The following SLITRK5 variants were observed in gnomAD, a reference collection of about 807,000 sequenced individuals.
SLITRK5 encodes the protein SLIT and NTRK-like protein 5.
SLITRK5 carries 23 observed loss-of-function variants against 56.2 expected under a neutral mutation model. The observed-to-expected ratio is 0.41, with a 90% CI of 0.29 to 0.58. SLITRK5 has a LOEUF of 0.58. Among genes scored for constraint, SLITRK5 ranks in the 20% least tolerant of loss-of-function variants. The pLI is 0.30. For missense variants in SLITRK5, 1,289 were observed against 1,226.6 expected (o/e 1.05, Z -0.76); for synonymous variants, 637 against 531.8 (o/e 1.20, Z -2.72).
rs1877325813 is a variant in SLITRK5, at chr13:87,677,361, C to A, written c.1973C>A (p.Ala658Glu). The change falls in exon 2 of 2, where the codon GCG becomes GAG. Residue 658 changes from alanine to glutamate, a missense_variant. Around this residue, in one of 3 missense-constraint regions of SLITRK5, gnomAD observed 985 missense variants for 906.0 expected, o/e 1.09. Coordinates refer to ENST00000683689, the MANE Select transcript of SLITRK5 (RefSeq NM_001384609.1). This position sits in a 1 kb window ranked among gnomAD's most constrained non-coding sequence, Gnocchi z 4.7. ...GCGAGCTTGGGCGCAGGCGGAGGGG[C>A]GTCGTCGGTGCCCTTGTCTGTGTTA... Reference protein sequence around the residue: ...APASLGAGGGASSVPLSVLIL... With the variant: ...APASLGAGGGESSVPLSVLIL... 6.2e-7 allele frequency: 1 copy of A among 1,613,994 alleles called. No individual in the cohort carries two copies. The highest frequency in any genetic ancestry group is 1.7e-5 in the Admixed American group (1 of 60,032).
In SLITRK5 at chr13:87,676,769, C is replaced by A. The variant is rs926758714; in HGVS notation, c.1381C>A (p.Arg461Ser). 5.0e-6 allele frequency: 8 copies of A among 1,614,086 alleles called. No homozygotes were observed. Among genetic ancestry groups the A allele is most frequent in the Non-Finnish European group, 6.8e-6 (8 of 1,180,024 alleles). The change falls in exon 2 of 2, where the codon CGC becomes AGC. Residue 461 changes from arginine (R) to serine (S), a missense_variant. Physicochemically the swap from Arg to Ser is moderately radical, Grantham distance 110. Transcript: ENST00000683689. ...TTTCGGGGATCTCACCAACCTGAGG[C>A]GCCTCTACCTGAATGGCAACAGGAT... Reference protein sequence around the residue: ...RAFGDLTNLRRLYLNGNRIER... With the variant: ...RAFGDLTNLRSLYLNGNRIER...
intron 1 of SLITRK5, among the ~76,000 whole-genome samples, chr13:87,673,272 G>A (rs1287291003): frequency 6.6e-6 from 1 of 150,776 alleles, no homozygotes; most frequent in African/African-American, 2.4e-5. Context: ...GCGTTTCCCC[G>A]TCAGAATGTC....
Position 87,676,283 on chromosome 13 carries a change from C to A in SLITRK5, c.895C>A (p.Pro299Thr). The A allele has an allele frequency of 6.2e-7, 1 of 1,614,090 alleles. No homozygotes were observed. The highest frequency in any genetic ancestry group is 8.5e-7 in the Non-Finnish European group (1 of 1,180,018). The change falls in exon 2 of 2, where the codon CCT (proline) becomes ACT (threonine). Residue 299 changes from proline (P) to threonine (T), a missense_variant. By Grantham distance (38) the Pro-to-Thr change is conservative. Transcript: ENST00000683689. ...ISDYEMRPQT[P>T]LSTTGYLHTT... ...TGACTACGAGATGAGGCCGCAGACG[C>A]CTTTGAGCACCACGGGGTATTTACA... is the stretch of plus-strand genomic sequence containing the variant.
rs993985077 is a variant in SLITRK5, at chr13:87,678,437, A to G, written c.*172A>G. The G allele has an allele frequency of 7.8e-6, 5 of 638,004 alleles. No individual in the cohort carries two copies. The highest frequency in any genetic ancestry group is 1.4e-5 in the Non-Finnish European group (5 of 364,784). 39.5% of individuals were successfully genotyped at this position (638,004 alleles called of 1,614,324 possible). On this transcript the variant is annotated 3_prime_UTR_variant, in exon 2 of 2. Transcript: ENST00000683689. ...GAAAAGGGTGTGCAATTTCCTTTAA[A>G]ATTTACACGTGGGAAACATTTGTGT...
In SLITRK5 at chr13:87,678,292, T is replaced by G; in HGVS notation, c.*27T>G. 6.4e-7 allele frequency: 1 copy of G among 1,561,982 alleles called. No individual in the cohort carries two copies. The highest frequency in any genetic ancestry group is 1.2e-5 in the South Asian group (1 of 83,984). Reference sequence around the variant, plus strand: ...AGCAAAGAAACTCTCTTGGAGCTTTTGCATTTAAAACAAACAAGCAAGCAG... The same window carrying G: ...AGCAAAGAAACTCTCTTGGAGCTTTGGCATTTAAAACAAACAAGCAAGCAG... On this transcript the variant is annotated 3_prime_UTR_variant, in exon 2 of 2. Transcript: ENST00000683689.
In SLITRK5 at chr13:87,677,537, TACGGCGGCGGCGGCGGCACGGGCGGCC is replaced by T. The variant is rs746846229; in HGVS notation, c.2152_2178del (p.Gly718_His726del). The T allele has an allele frequency of 6.2e-7, 1 of 1,608,624 alleles. No individual in the cohort carries two copies. On this transcript the variant is annotated inframe_deletion, in exon 2 of 2. Coordinates refer to ENST00000683689, the MANE Select transcript of SLITRK5 (RefSeq NM_001384609.1). This position sits in a 1 kb window ranked among gnomAD's most constrained non-coding sequence, Gnocchi z 4.7. ...CTCCTTTAACATGCAGTACAGCGTG[TACGGCGGCGGCGGCGGCACGGGCGGCC>T]ACCCACACGCGCACGTGCATCACCG...
intron 1 of SLITRK5, 149 bp from the exon 2 acceptor site, chr13:87,675,232 G>A (rs1877219597): frequency 1.6e-6 from 1 of 612,094 alleles, no homozygotes; most frequent in Admixed American, 2.9e-5. Context: ...TCTAGAGAAT[G>A]TCAATGTTTC....
chr13:87,676,628 A>C lies in SLITRK5; in HGVS notation c.1240A>C (p.Met414Leu). The C allele has an allele frequency of 6.2e-7, 1 of 1,613,984 alleles. No individual in the cohort carries two copies. Among genetic ancestry groups the C allele is most frequent in the Non-Finnish European group, 8.5e-7 (1 of 1,180,024 alleles). Residue 414 changes from methionine (M) to leucine (L), a missense_variant, in exon 2 of 2, where the codon ATG (methionine) becomes CTG (leucine). Physicochemically the swap from Met to Leu is conservative, Grantham distance 15. This residue lies in a region of SLITRK5 where 985 missense variants were observed against 906.0 expected (regional missense o/e 1.09). Coordinates refer to ENST00000683689, the MANE Select transcript of SLITRK5 (RefSeq NM_001384609.1). Reference sequence around the variant, plus strand: ...GCCCAAGCCCTACAATCCCAAGAAAATGTATCTGACAGAGAACTACATCGC... The same window carrying C: ...GCCCAAGCCCTACAATCCCAAGAAACTGTATCTGACAGAGAACTACATCGC... Reference protein sequence around the residue: ...LQPKPYNPKKMYLTENYIAVV... With the variant: ...LQPKPYNPKKLYLTENYIAVV...
Position 87,675,755 on chromosome 13 carries a change from G to C in SLITRK5, c.367G>C (p.Gly123Arg), listed in dbSNP as rs753443574. Residue 123 changes from glycine to arginine, a missense_variant, in exon 2 of 2, where the codon GGG becomes CGG. Physicochemically the swap from Gly to Arg is moderately radical, Grantham distance 125 (BLOSUM62 -2). This residue lies in a region of SLITRK5 where 291 missense variants were observed against 286.7 expected (regional missense o/e 1.02). Transcript: ENST00000683689. ...CAATGTTATCCAGGACATTGAGACC[G>C]GGGCTTTCCATGGGCTACGGGGTTT... ...GSNVIQDIET[G>R]AFHGLRGLRR... is the part of the protein sequence containing the mutation. 6.2e-7 allele frequency: 1 copy of C among 1,614,110 alleles called. No individual in the cohort carries two copies. The highest frequency in any genetic ancestry group is 2.2e-5 in the East Asian group (1 of 44,868).
In SLITRK5 at chr13:87,675,793, T is replaced by C; in HGVS notation, c.405T>C (p.His135=). Residue 135 remains histidine, a synonymous_variant, in exon 2 of 2, where the codon CAT becomes CAC. Transcript: ENST00000683689. ...FHGLRGLRRL[H]LNNNKLELLR... ...GGCTACGGGGTTTGAGGAGATTGCA[T>C]CTAAACAATAATAAACTGGAACTTC... 6.2e-7 allele frequency: 1 copy of C among 1,614,060 alleles called. No homozygotes were observed. Among genetic ancestry groups the C allele is most frequent in the Non-Finnish European group, 8.5e-7 (1 of 1,180,032 alleles).
At position 87,676,945 on chromosome 13, in the gene SLITRK5, C is replaced by T; in HGVS notation, c.1557C>T (p.Ala519=). ...LLFLNNNLLQ[A]MPSGVFSGLT... is the part of the protein sequence containing the mutation. ...TCTTGAATAACAACCTCCTGCAGGC[C>T]ATGCCCTCAGGCGTCTTCTCTGGCT... Residue 519 remains alanine, a synonymous_variant, in exon 2 of 2, where the codon GCC becomes GCT. Transcript: ENST00000683689. 2 of 1,614,120 alleles carry T rather than the reference C, an allele frequency of 1.2e-6. No homozygotes were observed. Among genetic ancestry groups the T allele is most frequent in the Non-Finnish European group, 8.5e-7 (1 of 1,179,960 alleles).
rs766698379 is a variant in SLITRK5, at chr13:87,677,991, C to T, written c.2603C>T (p.Thr868Ile). The T allele has an allele frequency of 1.2e-6, 2 of 1,614,122 alleles. No individual in the cohort carries two copies. The highest frequency in any genetic ancestry group is 1.3e-5 in the African/African-American group (1 of 75,066). The change falls in exon 2 of 2, where the codon ACC (threonine) becomes ATC (isoleucine). Residue 868 changes from threonine (T) to isoleucine (I), a missense_variant. Thr to Ile is a moderately conservative substitution (Grantham distance 89). This residue lies in a region of SLITRK5 where 985 missense variants were observed against 906.0 expected (regional missense o/e 1.09). Coordinates refer to ENST00000683689, the MANE Select transcript of SLITRK5 (RefSeq NM_001384609.1). The surrounding 1 kb of genome is among the most constrained non-coding windows in gnomAD (Gnocchi z 4.7). Reference protein sequence around the residue: ...ILEPDKHCSTTPAGNSLPEYP... With the variant: ...ILEPDKHCSTIPAGNSLPEYP... ...GAACCAGACAAACACTGCTCCACCA[C>T]CCCCGCCGGCAATAGCCTCCCGGAA... is the stretch of plus-strand genomic sequence containing the variant.
chr13:87,677,858 G>A lies in SLITRK5; in HGVS notation c.2470G>A (p.Glu824Lys). The A allele has an allele frequency of 1.2e-6, 2 of 1,608,982 alleles. No individual in the cohort carries two copies. Among genetic ancestry groups the A allele is most frequent in the Non-Finnish European group, 1.7e-6 (2 of 1,177,964 alleles). The change falls in exon 2 of 2, where the codon GAA becomes AAA. Residue 824 changes from glutamate to lysine, a missense_variant. This residue lies in a region of SLITRK5 where 985 missense variants were observed against 906.0 expected (regional missense o/e 1.09). Coordinates refer to ENST00000683689, the MANE Select transcript of SLITRK5 (RefSeq NM_001384609.1). This position sits in a 1 kb window ranked among gnomAD's most constrained non-coding sequence, Gnocchi z 4.7. ...GCAGCCCGGGGAGGAGGAGAGGCGG[G>A]AAAGCCACCACTTGCGGAGCCCCGC... is the stretch of plus-strand genomic sequence containing the variant. Reference protein sequence around the residue: ...QLQPGEEERRESHHLRSPAYS... With the variant: ...QLQPGEEERRKSHHLRSPAYS...
At position 87,676,591 on chromosome 13, in the gene SLITRK5, C is replaced by T. The variant is rs543074813; in HGVS notation, c.1203C>T (p.Ile401=). The T allele has an allele frequency of 2.5e-6, 4 of 1,614,086 alleles. No homozygotes were observed. Among genetic ancestry groups the T allele is most frequent in the Admixed American group, 1.7e-5 (1 of 60,012 alleles). The change falls in exon 2 of 2, where the codon ATC becomes ATT. Residue 401 remains isoleucine (I), a synonymous_variant. Transcript: ENST00000683689. ...GCCAGGAGCGAAAGATCGAGAGCAT[C>T]GCTGAACTGCAGCCCAAGCCCTACA... ...VNCQERKIES[I]AELQPKPYNP...
chr13:87,677,297 G>C lies in SLITRK5; in HGVS notation c.1909G>C (p.Val637Leu), dbSNP rs778039599. 3 of 1,614,164 alleles carry C rather than the reference G, an allele frequency of 1.9e-6. No individual in the cohort carries two copies. The highest frequency in any genetic ancestry group is 2.5e-6 in the Non-Finnish European group (3 of 1,180,034). The change falls in exon 2 of 2, where the codon GTG (valine) becomes CTG (leucine). Residue 637 changes from valine (V) to leucine (L), a missense_variant. Val to Leu is a conservative substitution (Grantham distance 32, BLOSUM62 1). This residue lies in a region of SLITRK5 where 985 missense variants were observed against 906.0 expected (regional missense o/e 1.09). Coordinates refer to ENST00000683689, the MANE Select transcript of SLITRK5 (RefSeq NM_001384609.1). The surrounding 1 kb of genome is among the most constrained non-coding windows in gnomAD (Gnocchi z 4.7). ...CCAGGTCCCTGCGAGGACCAGCGCCGTGACTCCTGCGGTCCGGTTGAATAG... is the reference window on the plus strand; with the variant it reads ...CCAGGTCCCTGCGAGGACCAGCGCCCTGACTCCTGCGGTCCGGTTGAATAG... ...SIQVPARTSA[V>L]TPAVRLNSTG...
rs550622261 is a variant in SLITRK5, at chr13:87,671,873, G to A, written c.-345G>A. Among the ~76,000 whole-genome samples the A allele has an allele frequency of 2.0e-5, 3 of 152,226 alleles. No individual in the cohort carries two copies. The South Asian group carries it at 6.2e-4, about 32-fold the overall frequency. On this transcript the variant is annotated 5_prime_UTR_variant, in exon 1 of 2. Transcript: ENST00000683689. ...GTCGCCGCTGCGCTGGGGGGCGGAG[G>A]ACAGCGCAGGAGCTGCAGCCGCCGC...
intron 1 of SLITRK5, chr13:87,673,466 G>A: frequency 1.3e-6 from 1 of 786,848 alleles, no homozygotes. Flanking sequence ...GCTTTCAGAT[G>A]GGGTGGGAGG....
Position 87,677,472 on chromosome 13 carries a change from A to T in SLITRK5, c.2084A>T (p.Asn695Ile). The T allele has an allele frequency of 6.2e-7, 1 of 1,612,016 alleles. No homozygotes were observed. Among genetic ancestry groups the T allele is most frequent in the Non-Finnish European group, 8.5e-7 (1 of 1,179,956 alleles). Residue 695 changes from asparagine (N) to isoleucine (I), a missense_variant, in exon 2 of 2, where the codon AAC becomes ATC. Physicochemically the swap from Asn to Ile is moderately radical, Grantham distance 149. Coordinates refer to ENST00000683689, the MANE Select transcript of SLITRK5 (RefSeq NM_001384609.1). The surrounding 1 kb of genome is among the most constrained non-coding windows in gnomAD (Gnocchi z 4.7). ...CTGGTCATGAAGCGCAGGAAGAAGAACCAGAGCGACCACACCAGCACCAAC... is the reference window on the plus strand; with the variant it reads ...CTGGTCATGAAGCGCAGGAAGAAGATCCAGAGCGACCACACCAGCACCAAC... ...FVLVMKRRKK[N>I]QSDHTSTNNS... is the part of the protein sequence containing the mutation.
At position 87,677,209 on chromosome 13, in the gene SLITRK5, G is replaced by A; in HGVS notation, c.1821G>A (p.Lys607=). 1.9e-6 allele frequency: 3 copies of A among 1,614,192 alleles called. No individual in the cohort carries two copies. The highest frequency in any genetic ancestry group is 2.5e-6 in the Non-Finnish European group (3 of 1,180,044). ...CTGAGACCGACATGCGCTCCATTAA[G>A]TCGGAGCTGCTGTGCCCTGACTATT... The part of the protein sequence containing the change: ...KFAETDMRSI[K]SELLCPDYSD... The change falls in exon 2 of 2, where the codon AAG becomes AAA. Residue 607 remains lysine (K), a synonymous_variant. Transcript: ENST00000683689. The surrounding 1 kb of genome is among the most constrained non-coding windows in gnomAD (Gnocchi z 4.7).
Sources: allele counts gnomAD v4.1 joint callset (sites outside exome capture counted in the v4.1 genomes callset), GRCh38; gene constraint gnomAD v4.1.1; regional missense constraint gnomAD v4.1.1; non-coding constraint Gnocchi (gnomAD v3.1); transcripts MANE v1.5; gene names NCBI Gene and HGNC (gene_info 2026-07-23, HGNC 2026-07-21).